CYB5A: variants seen among roughly 807,000 people sequenced by gnomAD.
CYB5A encodes the protein cytochrome b5.
Under a neutral mutation model 16.2 loss-of-function variants are expected in CYB5A, and 10 were observed. That is an observed-to-expected ratio of 0.62 (90% confidence interval 0.38 to 1.04). CYB5A has a LOEUF of 1.04. Among genes scored for constraint, CYB5A ranks in the 50% least tolerant of loss-of-function variants. CYB5A has a pLI of 0.01. For synonymous variants in CYB5A, 62 were observed against 57.0 expected, an observed-to-expected ratio of 1.09 and a Z score of -0.40; for missense variants, 161 against 165.9, an observed-to-expected ratio of 0.97 and a Z score of 0.16.
chr18:74,280,619 A>G (rs1983060831), intron 1 of CYB5A, among the ~76,000 whole-genome samples: 1 of 151,654 alleles, frequency 6.6e-6, no homozygotes, highest in Admixed American at 6.6e-5. Flanking sequence ...ATTTAGATCT[A>G]TGATCCATTC....
intron 1 of CYB5A, among the ~76,000 whole-genome samples, chr18:74,279,565 A>C (rs1322317211): frequency 7.0e-6 from 1 of 142,350 alleles, no homozygotes; most frequent in Admixed American, 7.2e-5. Flanking sequence ...ATAAATAAAA[A>C]ACAAAAGAGA....
intron 1 of CYB5A, among the ~76,000 whole-genome samples, chr18:74,286,272 C>T (rs554396870): frequency 1.3e-5 from 2 of 152,202 alleles, no homozygotes; most frequent in African/African-American, 4.8e-5. Context: ...TCCCCTTACA[C>T]AATAAAGTTG....
At chr18:74,286,468 A>G (rs938428005) in intron 1 of CYB5A, among the ~76,000 whole-genome samples, 2 of 152,242 alleles carry the variant, frequency 1.3e-5, no homozygotes, top group Non-Finnish European at 2.9e-5. Context: ...TAAAATTTTA[A>G]TTCAATCAAA....
chr18:74,254,523 C>CTT (rs140770769), intron 4 of CYB5A, among the ~76,000 whole-genome samples: 7,470 of 144,092 alleles, frequency 0.052, 459 homozygotes, highest in East Asian at 0.19. Context: ...CTATTTGAAT[C>CTT]TTTTTTTTTT....
chr18:74,272,389 C>G (rs1982702459), intron 1 of CYB5A, among the ~76,000 whole-genome samples: 1 of 152,174 alleles, frequency 6.6e-6, no homozygotes, highest in African/African-American at 2.4e-5. Flanking sequence ...CAGGTGTGCT[C>G]TCGTCATTGT....
intron 1 of CYB5A, among the ~76,000 whole-genome samples, chr18:74,287,776 T>C (rs1983373889): frequency 6.6e-6 from 1 of 152,188 alleles, no homozygotes; most frequent in Non-Finnish European, 1.5e-5. Context: ...AAGCAACAGC[T>C]AATGGAAGTG....
In CYB5A at chr18:74,287,800, G is replaced by T. The variant is rs546431314; in HGVS notation, c.129+3947C>A. 2.0e-5 allele frequency among the ~76,000 whole-genome samples: 3 copies of T among 152,238 alleles called. No individual in the cohort carries two copies. In the East Asian group the frequency reaches 5.8e-4, roughly 29 times the overall value. On this transcript the variant is annotated intron_variant, in intron 1 of 4. Transcript: ENST00000340533. ...CTAATGGAAGTGTTGTTAATTACAG[G>T]ATACCTTTCTCTCTCCCCTCCACAG...
rs975415147 is a variant in CYB5A at position 74,253,449 on chromosome 18, C to T, written c.*135G>A. ...GTTCTTTTTGTTTTGTTTCTAATGTCGGAAGAAAAAGAAAGAGATATATTA... is the reference window on the plus strand; with the variant it reads ...GTTCTTTTTGTTTTGTTTCTAATGTTGGAAGAAAAAGAAAGAGATATATTA... On this transcript the variant is annotated 3_prime_UTR_variant, in exon 5 of 5. Transcript: ENST00000340533. 20 of 637,948 alleles carry T rather than the reference C, an allele frequency of 3.1e-5. No homozygotes were observed. Among genetic ancestry groups the T allele is most frequent in the South Asian group, 1.0e-4 (6 of 59,412 alleles). The allele number at this position is 637,948 out of a possible 1,614,324, so 39.5% of individuals were successfully genotyped here. A position where few individuals can be genotyped will look rare whatever the true frequency, so the allele number is the denominator to read the frequency against.
chr18:74,253,579 G>C lies in CYB5A; in HGVS notation c.*5C>G. 1.2e-6 allele frequency: 2 copies of C among 1,604,846 alleles called. No individual in the cohort carries two copies. The highest frequency in any genetic ancestry group is 1.7e-6 in the Non-Finnish European group (2 of 1,172,028). Reference sequence around the variant, plus strand: ...CTCTTCCTGCGCTGACTTCTGAGGAGGTGTTCAGTCCTCTGCCATGTATAG... The same window carrying C: ...CTCTTCCTGCGCTGACTTCTGAGGACGTGTTCAGTCCTCTGCCATGTATAG... On this transcript the variant is annotated 3_prime_UTR_variant, in exon 5 of 5. Coordinates refer to ENST00000340533, the MANE Select transcript of CYB5A (RefSeq NM_148923.4).
chr18:74,256,445 T>TA, intron 3 of CYB5A: 1 of 216,108 alleles, frequency 4.6e-6, no homozygotes, highest in Admixed American at 5.2e-5. Context: ...GCCCTGTTTT[T>TA]ATCCTCCAGA....
In CYB5A at chr18:74,263,207, A is replaced by C. The variant is rs1599250397; in HGVS notation, c.258+142T>G. The C allele has an allele frequency of 1.9e-5, 21 of 1,102,654 alleles. No individual in the cohort carries two copies. The East Asian group carries it at 4.7e-4, about 25-fold the overall frequency. 68.3% of individuals were successfully genotyped at this position (1,102,654 alleles called of 1,614,324 possible). On this transcript the variant is annotated intron_variant, in intron 2 of 4. Transcript: ENST00000340533. The stretch of plus-strand genomic sequence containing the variant: ...AGACATTTTTGGTCAATTTATTTAT[A>C]ACAAAAAATGGTGTCCTAAAATCAG...
chr18:74,287,010 T>C (rs1983345622), intron 1 of CYB5A, among the ~76,000 whole-genome samples: 1 of 152,168 alleles, frequency 6.6e-6, no homozygotes, highest in African/African-American at 2.4e-5. Flanking sequence ...TAGAGATATA[T>C]ATAGAAATAT....
At chr18:74,277,907 A>G (rs1183582231) in intron 1 of CYB5A, among the ~76,000 whole-genome samples, 4 of 152,220 alleles carry the variant, frequency 2.6e-5, no homozygotes, top group Non-Finnish European at 5.9e-5. Context: ...AGACTGGAAG[A>G]GAGCACCTGG....
chr18:74,256,004 T>A, intron 3 of CYB5A: 1 of 517,490 alleles, frequency 1.9e-6, no homozygotes, highest in African/African-American at 1.9e-5. Flanking sequence ...ACCTCAATAA[T>A]TTAAAAACAT....
chr18:74,266,895 C>A (rs1208614857), intron 1 of CYB5A, among the ~76,000 whole-genome samples: 1 of 150,644 alleles, frequency 6.6e-6, no homozygotes, highest in Non-Finnish European at 1.5e-5. Context: ...ATTTTCACTC[C>A]ATCCTAAAGG....
intron 3 of CYB5A, chr18:74,255,996 C>A: frequency 5.6e-6 from 3 of 533,926 alleles, no homozygotes; most frequent in Non-Finnish European, 1.0e-5. Context: ...AGGACATAAC[C>A]TCAATAATTT....
At chr18:74,260,705 T>TA in intron 3 of CYB5A, 1 of 641,216 alleles carries the variant, frequency 1.6e-6, no homozygotes, top group Non-Finnish European at 2.9e-6. Context: ...CTGACAGCCT[T>TA]AAAAAAATTA....
rs1031855179 is a variant in CYB5A at position 74,252,128 on chromosome 18, C to T, written c.*1456G>A. 2 of 152,166 alleles carry T rather than the reference C, an allele frequency of 1.3e-5. No individual in the cohort carries two copies. The highest frequency in any genetic ancestry group is 2.9e-5 in the Non-Finnish European group (2 of 68,028). 9.4% of individuals were successfully genotyped at this position (152,166 alleles called of 1,614,324 possible). ...TTTCAGTGACTAAAGAAGGCAAAGGCGGTGCATCCTATTTGATTATAAAGG... is the reference window on the plus strand; with the variant it reads ...TTTCAGTGACTAAAGAAGGCAAAGGTGGTGCATCCTATTTGATTATAAAGG... On this transcript the variant is annotated 3_prime_UTR_variant, in exon 5 of 5. Coordinates refer to ENST00000340533, the MANE Select transcript of CYB5A (RefSeq NM_148923.4).
chr18:74,279,446 C>T (rs1195355307), intron 1 of CYB5A, among the ~76,000 whole-genome samples: 2 of 152,236 alleles, frequency 1.3e-5, no homozygotes, highest in African/African-American at 4.8e-5. Flanking sequence ...GGGAGAACTG[C>T]TTGAACCCGG....
Sources: gnomAD v4.1 joint callset for allele counts (sites outside exome capture counted in the v4.1 genomes callset) on GRCh38, gnomAD v4.1.1 for gene constraint, MANE v1.5 for transcripts, NCBI Gene and HGNC (gene_info 2026-07-23, HGNC 2026-07-21) for gene names.